Variants in LNP1 observed in about 807,000 individuals in gnomAD.
The protein encoded by LNP1 is leukemia NUP98 fusion partner 1.
In LNP1, 12 loss-of-function variants were observed where a neutral mutation model predicts 14.5. The observed-to-expected ratio is 0.83, with a 90% CI of 0.53 to 1.34. The LOEUF is 1.34. Among genes scored for constraint, LNP1 ranks in the 40% most tolerant of loss-of-function variants. LNP1 has a pLI of 0.00. For synonymous variants in LNP1, 75 were observed against 71.4 expected, an observed-to-expected ratio of 1.05 and a Z score of -0.26; for missense variants, 198 against 210.9, an observed-to-expected ratio of 0.94 and a Z score of 0.38.
intron 2 of LNP1, among the ~76,000 whole-genome samples, chr3:100,440,489 C>T (rs144714743): frequency 6.6e-6 from 1 of 152,254 alleles, no homozygotes; most frequent in East Asian, 1.9e-4. Context: ...GATGATAGTT[C>T]CTGTCTCCCT....
At chr3:100,452,378 C>CT (rs1473278036) in intron 3 of LNP1, among the ~76,000 whole-genome samples, 1 of 150,034 alleles carries the variant, frequency 6.7e-6, no homozygotes, top group Admixed American at 6.6e-5. Context: ...AAATTTTAAA[C>CT]TTTTTTTTTC....
At position 100,418,059 on chromosome 3, in the gene LNP1, A is replaced by ACTTTTTTTTTTTTTTTTTT. The variant is rs565769310; in HGVS notation, c.-33-11638_-33-11637insCTTTTTTTTTTTTTTTTTT. 1.7e-5 allele frequency among the ~76,000 whole-genome samples: 2 copies of ACTTTTTTTTTTTTTTTTTT among 115,622 alleles called. 1 individual carries two copies. The highest frequency in any genetic ancestry group is 3.7e-5 in the Non-Finnish European group (2 of 54,340). 75.9% of individuals were successfully genotyped at this position (115,622 alleles called of 152,430 possible). ...GTTTTGTTCTTTCATTTCTCATACC[A>ACTTTTTTTTTTTTTTTTTT]TTTTTTTTTTTTTTTTTTGAGATGG... On this transcript the variant is annotated intron_variant, in intron 1 of 3. Coordinates refer to ENST00000383693, the MANE Select transcript of LNP1 (RefSeq NM_001085451.2).
At chr3:100,441,439 G>C (rs954156040) in intron 2 of LNP1, among the ~76,000 whole-genome samples, 1 of 152,020 alleles carries the variant, frequency 6.6e-6, no homozygotes, top group Non-Finnish European at 1.5e-5. Context: ...TCTGTCCTTT[G>C]CCCATTTTCC....
At chr3:100,449,682 A>G (rs1559846976) in intron 2 of LNP1, among the ~76,000 whole-genome samples, 1 of 152,196 alleles carries the variant, frequency 6.6e-6, no homozygotes, top group African/African-American at 2.4e-5. Context: ...CCAAAAACAT[A>G]AAGGCCTTTT....
intron 1 of LNP1, among the ~76,000 whole-genome samples, chr3:100,414,507 G>A (rs1368222820): frequency 6.6e-6 from 1 of 151,262 alleles, no homozygotes; most frequent in Non-Finnish European, 1.5e-5. Context: ...AGATCGCACC[G>A]CTGCACTCCA....
chr3:100,406,343 G>A (rs1056036406), intron 1 of LNP1, among the ~76,000 whole-genome samples: 92 of 151,862 alleles, frequency 6.1e-4, no homozygotes, highest in African/African-American at 2.1e-3. Context: ...AAAAAATAGT[G>A]TGATCCCCTC....
At chr3:100,421,927 GT>G (rs1303298736) in intron 1 of LNP1, among the ~76,000 whole-genome samples, 1 of 152,008 alleles carries the variant, frequency 6.6e-6, no homozygotes, top group Non-Finnish European at 1.5e-5. Context: ...CCTAAATGTT[GT>G]ATTTTGTCAG....
At chr3:100,455,753 C>G (rs1182970164) in intron 3 of LNP1, 24 bp from the exon 4 acceptor site, 1 of 1,611,548 alleles carries the variant, frequency 6.2e-7, no homozygotes, top group African/African-American at 1.3e-5. Flanking sequence ...GCATTTTTAC[C>G]TGTTTCTGAT....
intron 1 of LNP1, among the ~76,000 whole-genome samples, chr3:100,428,794 G>A (rs1371899747): frequency 3.3e-5 from 5 of 152,196 alleles, no homozygotes; most frequent in Non-Finnish European, 5.9e-5. Context: ...ACTACACACA[G>A]CGTCAACTAT....
intron 2 of LNP1, among the ~76,000 whole-genome samples, chr3:100,449,970 G>GCAA (rs888694140): frequency 6.6e-6 from 1 of 152,090 alleles, no homozygotes; most frequent in African/African-American, 2.4e-5. Flanking sequence ...TTTCAGCTTG[G>GCAA]CCTGGCTAGC....
chr3:100,427,611 T>A (rs1204811079), intron 1 of LNP1, among the ~76,000 whole-genome samples: 1 of 152,192 alleles, frequency 6.6e-6, no homozygotes, highest in African/African-American at 2.4e-5. Context: ...CAAATCCCAC[T>A]TCTGATAGTA....
intron 1 of LNP1, among the ~76,000 whole-genome samples, chr3:100,416,918 G>T (rs1707090170): frequency 6.6e-6 from 1 of 151,830 alleles, no homozygotes; most frequent in Non-Finnish European, 1.5e-5. Flanking sequence ...GGTGTATGTT[G>T]TTCCCCTTGA....
chr3:100,430,420 T>A (rs1707231918), intron 2 of LNP1, among the ~76,000 whole-genome samples: 1 of 152,212 alleles, frequency 6.6e-6, no homozygotes, highest in Admixed American at 6.5e-5. Context: ...AGCACTGTTT[T>A]GTTACAGCTA....
chr3:100,417,380 TTTTTTTTTTTTTTC>T lies in LNP1; in HGVS notation c.-33-12316_-33-12303del, dbSNP rs1707095759. 2.2e-5 allele frequency among the ~76,000 whole-genome samples: 3 copies of T among 133,758 alleles called. No individual in the cohort carries two copies. In the Admixed American group the frequency reaches 2.2e-4, roughly 10 times the overall value. 87.8% of individuals were successfully genotyped at this position (133,758 alleles called of 152,430 possible). On this transcript the variant is annotated intron_variant, in intron 1 of 3. Coordinates refer to ENST00000383693, the MANE Select transcript of LNP1 (RefSeq NM_001085451.2). ...TCTTTCTTTCTTTTTTCTTTTTTTTTTTTTTTTTTTTTTCGAGACAGGATCTCACTCTGACACCC... is the reference window on the plus strand; with the variant it reads ...TCTTTCTTTCTTTTTTCTTTTTTTTTGAGACAGGATCTCACTCTGACACCC...
intron 1 of LNP1, among the ~76,000 whole-genome samples, chr3:100,424,945 C>G (rs1270726899): frequency 6.6e-6 from 1 of 152,304 alleles, no homozygotes; most frequent in Non-Finnish European, 1.5e-5. Context: ...ATCCCATTAG[C>G]TATAAAGGTT....
In LNP1 at chr3:100,410,958, T is replaced by A. The variant is rs531357525; in HGVS notation, c.-34+8519T>A. 3.3e-5 allele frequency among the ~76,000 whole-genome samples: 5 copies of A among 152,276 alleles called. No individual in the cohort carries two copies. The East Asian group carries it at 9.6e-4, about 29-fold the overall frequency. Reference sequence around the variant, plus strand: ...TTTTGGTGGGTCAGGAACCCTTGCCTACTATATCAGGGTCAGGGTCAGGTT... The same window carrying A: ...TTTTGGTGGGTCAGGAACCCTTGCCAACTATATCAGGGTCAGGGTCAGGTT... On this transcript the variant is annotated intron_variant, in intron 1 of 3. Coordinates refer to ENST00000383693, the MANE Select transcript of LNP1 (RefSeq NM_001085451.2).
chr3:100,445,596 C>T lies in LNP1; in HGVS notation c.157-6123C>T, dbSNP rs546220159. Among the ~76,000 whole-genome samples, 4 of 152,256 alleles carry T rather than the reference C, an allele frequency of 2.6e-5. No individual in the cohort carries two copies. The South Asian group carries it at 6.2e-4, about 24-fold the overall frequency. ...CGATGTAAGAACCTTAATTAAAAAA[C>T]ATTTTTAATCTCAGTTTATTTTAGC... On this transcript the variant is annotated intron_variant, in intron 2 of 3. Coordinates refer to ENST00000383693, the MANE Select transcript of LNP1 (RefSeq NM_001085451.2).
At chr3:100,408,345 G>C (rs1706991364) in intron 1 of LNP1, among the ~76,000 whole-genome samples, 1 of 152,216 alleles carries the variant, frequency 6.6e-6, no homozygotes, top group Non-Finnish European at 1.5e-5. Context: ...ACTCCCTACT[G>C]TGACCAGCAC....
intron 1 of LNP1, among the ~76,000 whole-genome samples, chr3:100,409,956 CATCT>C (rs71625560): frequency 0.095 from 14,233 of 149,428 alleles, 671 homozygotes; most frequent in Non-Finnish European, 0.11. Flanking sequence ...ACATAGCTTA[CATCT>C]ATCTATCTAT....
Sources: gnomAD v4.1 joint callset for allele counts (sites outside exome capture counted in the v4.1 genomes callset) on GRCh38, gnomAD v4.1.1 for gene constraint, MANE v1.5 for transcripts, NCBI Gene and HGNC (gene_info 2026-07-23, HGNC 2026-07-21) for gene names.